The following MRPL20 variants were observed in gnomAD, a reference collection of about 807,000 sequenced individuals.
The protein encoded by MRPL20 is large ribosomal subunit protein bL20m.
A neutral mutation model predicts 20.0 loss-of-function variants in MRPL20; 21 were observed. That is an observed-to-expected ratio of 1.05 (90% CI 0.74 to 1.51). The LOEUF (loss-of-function observed/expected upper bound fraction) is 1.51, where lower values mean the gene tolerates loss of function less well. MRPL20 is among the 40% of genes most tolerant of loss of function. MRPL20 has a pLI of 0.00. For missense variants in MRPL20, 252 were observed against 185.6 expected (o/e 1.36, Z -2.08); for synonymous variants, 104 against 73.0 (o/e 1.43, Z -2.17).
At chr1:1,405,694 A>T (rs1256458661) in intron 3 of MRPL20, 115 bp downstream of exon 3, 2 of 1,562,242 alleles carry the variant, frequency 1.3e-6, no homozygotes, top group East Asian at 2.2e-5. Context: ...GTCTCCAGGG[A>T]TCCTCTGGCC....
Position 1,407,112 on chromosome 1 carries a change from C to A in MRPL20, c.87+19G>T. On this transcript the variant is annotated intron_variant, in intron 1 of 3. Coordinates refer to ENST00000344843, the MANE Select transcript of MRPL20 (RefSeq NM_017971.4). ...ATACCCCGGGCGCCCAGTGCCCAGGCCGGGCAGGCGGCACTCACCCTGGCG... is the reference window on the plus strand; with the variant it reads ...ATACCCCGGGCGCCCAGTGCCCAGGACGGGCAGGCGGCACTCACCCTGGCG... The A allele has an allele frequency of 6.2e-7, 1 of 1,607,762 alleles. No homozygotes were observed. The highest frequency in any genetic ancestry group is 1.7e-4 in the Middle Eastern group (1 of 6,050).
chr1:1,407,164 G>A lies in MRPL20; in HGVS notation c.54C>T (p.Tyr18=). 1.2e-6 allele frequency: 2 copies of A among 1,608,228 alleles called. No homozygotes were observed. Among genetic ancestry groups the A allele is most frequent in the Non-Finnish European group, 1.7e-6 (2 of 1,177,544 alleles). ...GCTTCAGCACCTCCTGGATCCGAAA[G>A]TAGCGGTCGGTGACGCGATTCCGCA... ...LWLRNRVTDR[Y]FRIQEVLKHA... The change falls in exon 1 of 4, where the codon TAC becomes TAT. Residue 18 remains tyrosine (Y), a synonymous_variant. Transcript: ENST00000344843.
Position 1,407,266 on chromosome 1 carries a change from C to T in MRPL20, c.-49G>A. The stretch of plus-strand genomic sequence containing the variant: ...AACACTCAACAACGCACGCGCAGCG[C>T]CGCTGCCATCTTGCCCGGGTCGGAA... On this transcript the variant is annotated 5_prime_UTR_variant, in exon 1 of 4. Coordinates refer to ENST00000344843, the MANE Select transcript of MRPL20 (RefSeq NM_017971.4). The T allele has an allele frequency of 6.7e-7, 1 of 1,484,594 alleles. No individual in the cohort carries two copies. The highest frequency in any genetic ancestry group is 1.2e-5 in the South Asian group (1 of 84,120). 92.0% of individuals were successfully genotyped at this position (1,484,594 alleles called of 1,614,324 possible). A position where few individuals can be genotyped will look rare whatever the true frequency, so the allele number is the denominator to read the frequency against.
At position 1,405,798 on chromosome 1, in the gene MRPL20, C is replaced by T. The variant is rs1446249051; in HGVS notation, c.276+11G>A. On this transcript the variant is annotated intron_variant, in intron 3 of 3. Transcript: ENST00000344843. The stretch of plus-strand genomic sequence containing the variant: ...CCAGAATTTCAGTGGGACCCACATA[C>T]TCACCCATACCTTAACTAAATTCCC... 9.9e-6 allele frequency: 16 copies of T among 1,613,946 alleles called. No homozygotes were observed. Among genetic ancestry groups the T allele is most frequent in the African/African-American group, 1.3e-5 (1 of 74,918 alleles).
intron 3 of MRPL20, chr1:1,402,478 G>T: frequency 7.6e-7 from 1 of 1,307,396 alleles, no homozygotes; most frequent in Non-Finnish European, 9.7e-7. Context: ...AATCTGCAGG[G>T]AGGCTGGACT....
At chr1:1,406,694 T>A (rs1159204731) in intron 2 of MRPL20, 7 of 495,784 alleles carry the variant, frequency 1.4e-5, no homozygotes, top group Non-Finnish European at 2.4e-5. Context: ...GGCGAGGGGC[T>A]GGAGCAGGGG....
rs144889917 is a variant in MRPL20, at chr1:1,405,744, A to T, written c.276+65T>A. 1,252 of 1,613,894 alleles carry T rather than the reference A, an allele frequency of 7.8e-4. 7 individuals are homozygous for T. The East Asian group carries it at 0.011, about 14-fold the overall frequency. On this transcript the variant is annotated intron_variant, in intron 3 of 3. Coordinates refer to ENST00000344843, the MANE Select transcript of MRPL20 (RefSeq NM_017971.4). ...AGCTGGGACTACAGGAAGCACCACC[A>T]CGCCCCGCATGATGGTTTCTGCAGA...
In MRPL20 at chr1:1,402,392, T is replaced by C. The variant is rs996654315; in HGVS notation, c.277-136A>G. ...AGGGAAGGCCTAGGAGAATCCTATC[T>C]GGGTGGCACAGCAGAGGACTTCCAG... On this transcript the variant is annotated intron_variant, in intron 3 of 3. Coordinates refer to ENST00000344843, the MANE Select transcript of MRPL20 (RefSeq NM_017971.4). The C allele has an allele frequency of 1.1e-5, 16 of 1,409,314 alleles. No individual in the cohort carries two copies. In the East Asian group the frequency reaches 2.6e-4, roughly 23 times the overall value. 87.3% of individuals were successfully genotyped at this position (1,409,314 alleles called of 1,614,324 possible).
intron 2 of MRPL20, chr1:1,406,478 G>T (rs1457557589): frequency 4.8e-6 from 1 of 207,350 alleles, no homozygotes; most frequent in East Asian, 1.2e-4. Context: ...AATGCGGGGG[G>T]TTCCGGGTGG....
Position 1,405,824 on chromosome 1 carries a change from A to C in MRPL20, c.261T>G (p.Ile87Met). 1 of 1,614,142 alleles carries C rather than the reference A, an allele frequency of 6.2e-7. No homozygotes were observed. The highest frequency in any genetic ancestry group is 8.5e-7 in the Non-Finnish European group (1 of 1,180,012). The change falls in exon 3 of 4, where the codon ATT (isoleucine) becomes ATG (methionine). Residue 87 changes from isoleucine to methionine, a missense_variant. Physicochemically the swap from Ile to Met is conservative, Grantham distance 10. Transcript: ENST00000344843. ...QEHGLKYPAL[I>M]GNLVKCQVEL... ...TCACCCATACCTTAACTAAATTCCC[A>C]ATGAGCGCTGGATACTTCAGTCCAT...
rs1238448679 is a variant in MRPL20 at position 1,405,896 on chromosome 1, G to A, written c.199-10C>T. On this transcript the variant is annotated splice_polypyrimidine_tract_variant and intron_variant, in intron 2 of 3. Coordinates refer to ENST00000344843, the MANE Select transcript of MRPL20 (RefSeq NM_017971.4). ...TTCGATTAATCCAGAGCTGAAATAA[G>A]AAAACATGAAGATACTTAAAAATGA... 1.0e-5 allele frequency: 16 copies of A among 1,604,046 alleles called. No homozygotes were observed. The highest frequency in any genetic ancestry group is 3.3e-4 in the Middle Eastern group (2 of 6,030).
chr1:1,401,979 GGCCAT>G lies in MRPL20; in HGVS notation c.*99_*103del. ...GTGAGGCTCTGTCCCAGAGAGACAG[GGCCAT>G]CCCTCATGTCTGTTATTGGGTTGTA... On this transcript the variant is annotated 3_prime_UTR_variant, in exon 4 of 4. Transcript: ENST00000344843. 2 of 1,277,298 alleles carry G rather than the reference GGCCAT, an allele frequency of 1.6e-6. No homozygotes were observed. Among genetic ancestry groups the G allele is most frequent in the Non-Finnish European group, 1.1e-6 (1 of 919,206 alleles). 79.1% of individuals were successfully genotyped at this position (1,277,298 alleles called of 1,614,324 possible). A position where few individuals can be genotyped will look rare whatever the true frequency, so the allele number is the denominator to read the frequency against.
chr1:1,403,165 C>T (rs556350279), intron 3 of MRPL20, among the ~76,000 whole-genome samples: 62 of 151,828 alleles, frequency 4.1e-4, no homozygotes, highest in South Asian at 2.5e-3. Context: ...ATTCGGCTAC[C>T]GAGGACAAAG....
In MRPL20 at chr1:1,406,950, A is replaced by G. The variant is rs776280232; in HGVS notation, c.157T>C (p.Cys53Arg). ...VRTVIRAFVK[C>R]TKARYLKKKN... The stretch of plus-strand genomic sequence containing the variant: ...TTCTTCAGGTATCGGGCTTTGGTGC[A>G]TTTCACAAAGGCTCGAATCACGGTT... The change falls in exon 2 of 4, where the codon TGC (cysteine) becomes CGC (arginine). Residue 53 changes from cysteine to arginine, a missense_variant. Coordinates refer to ENST00000344843, the MANE Select transcript of MRPL20 (RefSeq NM_017971.4). The G allele has an allele frequency of 1.2e-6, 2 of 1,613,626 alleles. No homozygotes were observed. Among genetic ancestry groups the G allele is most frequent in the Non-Finnish European group, 1.7e-6 (2 of 1,179,770 alleles).
At chr1:1,402,712 C>T (rs776601291) in intron 3 of MRPL20, 28 of 823,808 alleles carry the variant, frequency 3.4e-5, no homozygotes, top group Admixed American at 6.2e-5. Flanking sequence ...AGGCAGGGCA[C>T]GGTGTCTCGC....
At chr1:1,406,629 T>C (rs1029798276) in intron 2 of MRPL20, 73 of 480,892 alleles carry the variant, frequency 1.5e-4, no homozygotes, top group Admixed American at 6.8e-5. Context: ...CAGCAGCGAC[T>C]AGGGCGGTGG....
chr1:1,403,390 C>A (rs1458883144), intron 3 of MRPL20, among the ~76,000 whole-genome samples: 1 of 151,694 alleles, frequency 6.6e-6, no homozygotes, highest in Non-Finnish European at 1.5e-5. Context: ...ACTACAGGTG[C>A]CCGCCACCGC....
At chr1:1,407,081 C>G (rs762341346) in intron 1 of MRPL20, 50 bp downstream of exon 1, 117 of 1,608,626 alleles carry the variant, frequency 7.3e-5, no homozygotes, top group Admixed American at 6.3e-4. Context: ...CCCCTTGGCC[C>G]GCGGGATACC....
At chr1:1,403,847 T>C (rs894742029) in intron 3 of MRPL20, among the ~76,000 whole-genome samples, 5 of 151,984 alleles carry the variant, frequency 3.3e-5, no homozygotes, top group African/African-American at 1.2e-4. Context: ...TATTAAAACT[T>C]TTTGTTGTTG....
Sources: allele counts gnomAD v4.1 joint callset (sites outside exome capture counted in the v4.1 genomes callset), GRCh38; gene constraint gnomAD v4.1.1; transcripts MANE v1.5; gene names NCBI Gene and HGNC (gene_info 2026-07-23, HGNC 2026-07-21).